Variants in NPAS3 observed in about 807,000 individuals in gnomAD.
The protein encoded by NPAS3 is neuronal PAS domain protein 3.
NPAS3 carries 14 observed loss-of-function variants against 73.1 expected under a neutral mutation model. The ratio of observed to expected loss-of-function variants is 0.19; its 90% CI spans 0.13 to 0.30. NPAS3 has a LOEUF of 0.30. Among genes scored for constraint, NPAS3 ranks in the 10% least tolerant of loss-of-function variants. The pLI is 1.00. For missense variants in NPAS3, 1,096 were observed against 1,250.0 expected (o/e 0.88, Z 1.86); for synonymous variants, 620 against 541.5 (o/e 1.14, Z -2.01).
At chr14:33,218,936 G>C (rs536759645) in intron 3 of NPAS3, among the ~76,000 whole-genome samples, 1 of 152,078 alleles carries the variant, frequency 6.6e-6, no homozygotes, top group South Asian at 2.1e-4. Context: ...AGAACACTCA[G>C]GTGACAGTAT....
chr14:33,351,982 A>G (rs1383730176), intron 3 of NPAS3, among the ~76,000 whole-genome samples: 1 of 152,108 alleles, frequency 6.6e-6, no homozygotes, highest in Non-Finnish European at 1.5e-5. Context: ...CCACCATGGC[A>G]TGTGTATACC....
At chr14:33,735,310 A>G in exon 7 of NPAS3, 1 of 1,613,196 alleles carries the variant, frequency 6.2e-7, no homozygotes, top group Non-Finnish European at 8.5e-7. Flanking sequence ...CGCGGTGTGC[A>G]CATCAAATCA....
intron 4 of NPAS3, among the ~76,000 whole-genome samples, chr14:33,464,122 A>C (rs2050399215): frequency 6.6e-6 from 1 of 152,038 alleles, no homozygotes; most frequent in Admixed American, 6.5e-5. Context: ...AAAATGAGGG[A>C]CATTATATCT....
chr14:33,696,254 A>C (rs1394227068), intron 6 of NPAS3, among the ~76,000 whole-genome samples: 2 of 152,146 alleles, frequency 1.3e-5, no homozygotes, highest in Non-Finnish European at 2.9e-5. Flanking sequence ...GAAATCCTTT[A>C]ATGAGACAAT....
intron 4 of NPAS3, among the ~76,000 whole-genome samples, chr14:33,491,549 A>T (rs1391775858): frequency 6.6e-6 from 1 of 152,166 alleles, no homozygotes; most frequent in African/African-American, 2.4e-5. Flanking sequence ...ATGTTCTTTA[A>T]TTATAATTAA....
intron 1 of NPAS3, among the ~76,000 whole-genome samples, chr14:33,034,558 T>C (rs1170518479): frequency 2.6e-5 from 4 of 151,810 alleles, no homozygotes; most frequent in African/African-American, 9.7e-5. Context: ...TTGCTTTAGG[T>C]ATTTAAAATG....
intron 7 of NPAS3, among the ~76,000 whole-genome samples, chr14:33,773,289 C>T (rs781062021): frequency 3.3e-5 from 5 of 152,190 alleles, no homozygotes; most frequent in Non-Finnish European, 7.3e-5. Flanking sequence ...CACTCAGCCA[C>T]TAAACTGAGC....
At chr14:33,073,907 G>A (rs1381782934) in intron 2 of NPAS3, among the ~76,000 whole-genome samples, 1 of 152,116 alleles carries the variant, frequency 6.6e-6, no homozygotes. Flanking sequence ...ATCTGCACAG[G>A]CATAGATTGT....
chr14:33,218,108 G>A (rs2047292256), intron 3 of NPAS3, among the ~76,000 whole-genome samples: 1 of 152,126 alleles, frequency 6.6e-6, no homozygotes, highest in South Asian at 2.1e-4. Flanking sequence ...TTCTGGAATG[G>A]CATGGTAGTG....
At chr14:33,401,196 A>G (rs1311016153) in intron 4 of NPAS3, among the ~76,000 whole-genome samples, 5 of 152,168 alleles carry the variant, frequency 3.3e-5, no homozygotes, top group Admixed American at 1.3e-4. Context: ...CAGAAAGCTG[A>G]TAAGTCTGAA....
intron 7 of NPAS3, among the ~76,000 whole-genome samples, chr14:33,744,294 G>C (rs1002676315): frequency 6.6e-6 from 1 of 152,110 alleles, no homozygotes; most frequent in Admixed American, 6.5e-5. Flanking sequence ...TTTCAATATT[G>C]TTATGTCACA....
chr14:33,395,406 G>GT (rs33960337), intron 4 of NPAS3, among the ~76,000 whole-genome samples: 62,609 of 149,578 alleles, frequency 0.42, 14,093 homozygotes, highest in African/African-American at 0.6. Flanking sequence ...CATAGTTCAA[G>GT]TTTTTTTTTT....
intron 5 of NPAS3, among the ~76,000 whole-genome samples, chr14:33,649,170 C>T (rs2058918720): frequency 6.6e-6 from 1 of 152,188 alleles, no homozygotes. Context: ...GTATACAAAA[C>T]TTGATTGTCT....
At chr14:33,032,956 C>G (rs982573978) in intron 1 of NPAS3, among the ~76,000 whole-genome samples, 2 of 152,082 alleles carry the variant, frequency 1.3e-5, no homozygotes. Flanking sequence ...TTGGTTCAGA[C>G]TGGAAATTAC....
intron 5 of NPAS3, among the ~76,000 whole-genome samples, chr14:33,564,524 C>T (rs749696534): frequency 3.3e-5 from 5 of 152,204 alleles, no homozygotes; most frequent in East Asian, 1.9e-4. Flanking sequence ...CATCGGAGAG[C>T]GATGTTCTGT....
intron 4 of NPAS3, among the ~76,000 whole-genome samples, chr14:33,393,215 T>C (rs933588045): frequency 6.6e-6 from 1 of 152,172 alleles, no homozygotes; most frequent in African/African-American, 2.4e-5. Flanking sequence ...ATTTACTTAA[T>C]TTGGGGAGCA....
chr14:33,090,830 G>A (rs2042199848), intron 2 of NPAS3, among the ~76,000 whole-genome samples: 2 of 152,180 alleles, frequency 1.3e-5, no homozygotes, highest in South Asian at 4.1e-4. Flanking sequence ...CTAGAACTCA[G>A]GATTAAGAAA....
chr14:33,124,569 GAAAT>G (rs2043356583), intron 2 of NPAS3, among the ~76,000 whole-genome samples: 1 of 152,004 alleles, frequency 6.6e-6, no homozygotes, highest in Non-Finnish European at 1.5e-5. Context: ...TTATTGCTAA[GAAAT>G]AAGGACTGAA....
At chr14:33,685,820 G>T (rs573576989) in intron 6 of NPAS3, among the ~76,000 whole-genome samples, 2 of 152,148 alleles carry the variant, frequency 1.3e-5, no homozygotes, top group East Asian at 1.9e-4. Context: ...TTTTCAAAAT[G>T]ACCCTACACC....
Sources: allele counts gnomAD v4.1 joint callset (sites outside exome capture counted in the v4.1 genomes callset), GRCh38; gene constraint gnomAD v4.1.1; transcripts MANE v1.5; gene names NCBI Gene and HGNC (gene_info 2026-07-23, HGNC 2026-07-21).